POU6F2: variants seen among roughly 807,000 people sequenced by gnomAD.
POU6F2 encodes POU domain, class 6, transcription factor 2.
POU6F2 carries 31 observed loss-of-function variants against 71.3 expected under a neutral mutation model. The observed-to-expected ratio is 0.43, with a 90% confidence interval of 0.33 to 0.59. The LOEUF is 0.59. POU6F2 is among the 20% of genes least tolerant of loss of function. The pLI, the probability that POU6F2 is intolerant of heterozygous loss-of-function variation, is 0.04. For synonymous variants in POU6F2, 347 were observed against 355.7 expected (o/e 0.98, Z 0.27); for missense variants, 783 against 856.8 (o/e 0.91, Z 1.07).
intron 7 of POU6F2, among the ~76,000 whole-genome samples, chr7:39,435,721 G>A (rs545541991): frequency 2.0e-5 from 3 of 152,228 alleles, no homozygotes; most frequent in African/African-American, 7.2e-5. Flanking sequence ...TGTCCTGAAT[G>A]GTATTGCCTA....
intron 1 of POU6F2, among the ~76,000 whole-genome samples, chr7:39,033,241 C>T (rs1206261249): frequency 1.3e-5 from 2 of 152,160 alleles, no homozygotes; most frequent in African/African-American, 2.4e-5. Flanking sequence ...TGTGGCTACC[C>T]GGCGAACTGA....
intron 4 of POU6F2, among the ~76,000 whole-genome samples, chr7:39,293,161 G>A (rs76425595): frequency 2.0e-5 from 3 of 152,320 alleles, no homozygotes; most frequent in Non-Finnish European, 4.4e-5. Context: ...GCCCGGCCCC[G>A]ACGGTGCCAG....
intron 7 of POU6F2, among the ~76,000 whole-genome samples, chr7:39,444,043 A>G (rs2116084193): frequency 6.6e-6 from 1 of 152,338 alleles, no homozygotes; most frequent in Non-Finnish European, 1.5e-5. Context: ...AATAAAAGTA[A>G]TGACATCTTT....
At chr7:39,247,288 G>A (rs1290110453) in intron 4 of POU6F2, among the ~76,000 whole-genome samples, 1 of 151,914 alleles carries the variant, frequency 6.6e-6, no homozygotes, top group Non-Finnish European at 1.5e-5. Flanking sequence ...GGTCAACATG[G>A]CAAAACCTCA....
chr7:39,038,136 T>C (rs1790106618), intron 1 of POU6F2, among the ~76,000 whole-genome samples: 1 of 152,056 alleles, frequency 6.6e-6, no homozygotes, highest in South Asian at 2.1e-4. Context: ...CTCTGGAGTT[T>C]CTCTCTTTTG....
chr7:39,158,160 C>T (rs1007349830), intron 2 of POU6F2, among the ~76,000 whole-genome samples: 3 of 152,024 alleles, frequency 2.0e-5, no homozygotes, highest in Non-Finnish European at 4.4e-5. Context: ...TTAAAGGAAA[C>T]GTATATAGTA....
At chr7:39,087,211 A>C (rs1322091452) in intron 2 of POU6F2, among the ~76,000 whole-genome samples, 1 of 151,156 alleles carries the variant, frequency 6.6e-6, no homozygotes, top group African/African-American at 2.4e-5. Flanking sequence ...AACCGACAGA[A>C]AGCAAGCTGC....
chr7:39,433,432 T>G (rs994555508), intron 7 of POU6F2, 149 bp downstream of exon 7: 1 of 828,070 alleles, frequency 1.2e-6, no homozygotes, highest in African/African-American at 1.7e-5. Flanking sequence ...TAAAATGGCA[T>G]GTAACTCTTT....
chr7:39,105,135 C>T (rs1424262626), intron 2 of POU6F2, among the ~76,000 whole-genome samples: 3 of 152,210 alleles, frequency 2.0e-5, no homozygotes, highest in Admixed American at 1.3e-4. Flanking sequence ...CCATGTCACA[C>T]TTATGATAGA....
chr7:39,386,665 G>A (rs149280040), intron 5 of POU6F2, among the ~76,000 whole-genome samples: 54 of 152,318 alleles, frequency 3.5e-4, no homozygotes, highest in African/African-American at 1.2e-3. Context: ...TGTTGAGCTA[G>A]AGTCCCACTT....
intron 4 of POU6F2, among the ~76,000 whole-genome samples, chr7:39,318,732 C>T (rs1785323131): frequency 6.6e-6 from 1 of 152,218 alleles, no homozygotes; most frequent in Non-Finnish European, 1.5e-5. Flanking sequence ...GCTGGTTCTT[C>T]CCTTACCCCC....
At chr7:39,015,611 ATAGATCTACAT>A in intron 1 of POU6F2, among the ~76,000 whole-genome samples, 6 of 102,584 alleles carry the variant, frequency 5.8e-5, no homozygotes. Context: ...TATGTTTTAT[ATAGATCTACAT>A]TATAGATATA....
chr7:39,288,852 C>T (rs556810390), intron 4 of POU6F2, among the ~76,000 whole-genome samples: 76 of 152,176 alleles, frequency 5.0e-4, no homozygotes, highest in Non-Finnish European at 9.4e-4. Context: ...CAGCATCCTT[C>T]CACACCAGGT....
At chr7:39,435,393 A>C (rs113968770) in intron 7 of POU6F2, among the ~76,000 whole-genome samples, 1 of 151,796 alleles carries the variant, frequency 6.6e-6, no homozygotes, top group South Asian at 2.1e-4. Context: ...TGTGATGTTG[A>C]GCTTTTTTTC....
intron 2 of POU6F2, among the ~76,000 whole-genome samples, chr7:39,133,995 C>T (rs189363729): frequency 6.6e-6 from 1 of 152,292 alleles, no homozygotes; most frequent in African/African-American, 2.4e-5. Context: ...CCACCTCAGC[C>T]TCCTGAGTAG....
intron 5 of POU6F2, among the ~76,000 whole-genome samples, chr7:39,389,622 C>G (rs1257684335): frequency 6.6e-6 from 1 of 152,108 alleles, no homozygotes; most frequent in Non-Finnish European, 1.5e-5. Flanking sequence ...TGTAAATTTG[C>G]TCCTTCATAC....
intron 2 of POU6F2, among the ~76,000 whole-genome samples, chr7:39,184,870 G>A (rs1793501623): frequency 6.6e-6 from 1 of 152,076 alleles, no homozygotes; most frequent in Admixed American, 6.6e-5. Context: ...TTTCTTTTGA[G>A]CAGTAATATG....
At chr7:39,216,797 G>A (rs1199069585) in intron 4 of POU6F2, among the ~76,000 whole-genome samples, 1 of 151,952 alleles carries the variant, frequency 6.6e-6, no homozygotes, top group Non-Finnish European at 1.5e-5. Context: ...AATCTTTATG[G>A]AAATGGGAGA....
intron 4 of POU6F2, among the ~76,000 whole-genome samples, chr7:39,275,924 C>T (rs369626547): frequency 2.6e-4 from 39 of 151,714 alleles, no homozygotes; most frequent in African/African-American, 6.5e-4. Context: ...AAGACTTAAA[C>T]GTTAGACCTA....
Sources: gnomAD v4.1 joint callset for allele counts (sites outside exome capture counted in the v4.1 genomes callset) on GRCh38, gnomAD v4.1.1 for gene constraint, MANE v1.5 for transcripts, NCBI Gene and HGNC (gene_info 2026-07-23, HGNC 2026-07-21) for gene names.